The following RBFOX1 variants were observed in gnomAD, a reference collection of about 807,000 sequenced individuals.
RBFOX1 encodes RNA binding protein fox-1 homolog 1.
RBFOX1 carries 8 observed loss-of-function variants against 57.7 expected under a neutral mutation model. The observed-to-expected ratio is 0.14, with a 90% CI of 0.08 to 0.25. RBFOX1 has a LOEUF of 0.25. RBFOX1 is among the 10% of genes least tolerant of loss of function. The pLI is 1.00. For missense variants in RBFOX1, 611 were observed against 548.5 expected, an observed-to-expected ratio of 1.11 and a Z score of -1.14; for synonymous variants, 326 against 222.4, an observed-to-expected ratio of 1.47 and a Z score of -4.15.
intron 1 of RBFOX1, among the ~76,000 whole-genome samples, chr16:5,377,592 G>C (rs2066019581): frequency 6.6e-6 from 1 of 150,456 alleles, no homozygotes; most frequent in Non-Finnish European, 1.5e-5. Context: ...TGGGGGGAGA[G>C]AGAGAGAAAG....
chr16:7,095,108 C>G (rs551143253), intron 4 of RBFOX1, among the ~76,000 whole-genome samples: 2 of 152,050 alleles, frequency 1.3e-5, no homozygotes, highest in East Asian at 3.9e-4. Context: ...TTCTTTCTTT[C>G]TTTCTTTTTT....
intron 2 of RBFOX1, among the ~76,000 whole-genome samples, chr16:6,584,333 T>C (rs952639591): frequency 4.6e-5 from 6 of 131,258 alleles, no homozygotes; most frequent in Admixed American, 4.1e-4. Flanking sequence ...AAGTTGTGTT[T>C]TATTTTCATT....
intron 3 of RBFOX1, among the ~76,000 whole-genome samples, chr16:6,781,040 T>A (rs2080931726): frequency 6.6e-6 from 1 of 152,140 alleles, no homozygotes; most frequent in Admixed American, 6.6e-5. Context: ...ACCTGTGCAT[T>A]TGGTGGCTTA....
intron 1 of RBFOX1, among the ~76,000 whole-genome samples, chr16:5,388,316 C>A (rs567418559): frequency 6.6e-6 from 1 of 152,108 alleles, no homozygotes; most frequent in African/African-American, 2.4e-5. Flanking sequence ...TAGTGGGAGG[C>A]TTCGGACAAA....
At chr16:6,196,541 G>A (rs190316409) in intron 1 of RBFOX1, among the ~76,000 whole-genome samples, 1 of 152,246 alleles carries the variant, frequency 6.6e-6, no homozygotes, top group East Asian at 1.9e-4. Context: ...ATGCGTGGCT[G>A]CGACTTAAAA....
At chr16:7,108,518 G>A (rs989171490) in intron 4 of RBFOX1, among the ~76,000 whole-genome samples, 3 of 152,084 alleles carry the variant, frequency 2.0e-5, no homozygotes, top group Admixed American at 1.3e-4. Flanking sequence ...ATGTTTCTAG[G>A]TACTGAGTAT....
intron 6 of RBFOX1, among the ~76,000 whole-genome samples, chr16:7,583,970 C>T (rs2347417): frequency 0.1 from 15,747 of 152,180 alleles, 1,720 homozygotes; most frequent in African/African-American, 0.28. Flanking sequence ...TTTTTAGTCA[C>T]GAGACGGGCT....
chr16:6,543,275 A>C (rs906034383), intron 2 of RBFOX1, among the ~76,000 whole-genome samples: 1 of 151,926 alleles, frequency 6.6e-6, no homozygotes, highest in African/African-American at 2.4e-5. Flanking sequence ...GAGCTCAGCA[A>C]CTCTGGGAAT....
At chr16:5,323,619 A>C (rs147116118) in intron 1 of RBFOX1, among the ~76,000 whole-genome samples, 7 of 152,382 alleles carry the variant, frequency 4.6e-5, no homozygotes, top group African/African-American at 1.7e-4. Flanking sequence ...CAATAGCTTC[A>C]TTAGCATGGA....
At chr16:6,562,826 TGA>T (rs1366564991) in intron 2 of RBFOX1, among the ~76,000 whole-genome samples, 9 of 149,684 alleles carry the variant, frequency 6.0e-5, no homozygotes, top group East Asian at 2.0e-4. Flanking sequence ...CCTTGATTCT[TGA>T]TTCTTTTCTT....
At chr16:5,827,555 G>A (rs1254100480) in intron 3 of RBFOX1, among the ~76,000 whole-genome samples, 1 of 152,188 alleles carries the variant, frequency 6.6e-6, no homozygotes, top group African/African-American at 2.4e-5. Flanking sequence ...GGGCCAGGTA[G>A]TAACTGTTTT....
intron 4 of RBFOX1, among the ~76,000 whole-genome samples, chr16:7,379,562 A>C (rs1388360961): frequency 6.6e-6 from 1 of 152,218 alleles, no homozygotes; most frequent in East Asian, 1.9e-4. Flanking sequence ...ATGCATACAT[A>C]TGTGGTAAAT....
At chr16:5,336,026 G>A (rs542361736) in intron 1 of RBFOX1, among the ~76,000 whole-genome samples, 2 of 152,310 alleles carry the variant, frequency 1.3e-5, no homozygotes, top group Admixed American at 1.3e-4. Flanking sequence ...TGGAGGCTCA[G>A]AGAGGTTAAG....
chr16:7,464,690 T>G (rs1210557513), intron 4 of RBFOX1, among the ~76,000 whole-genome samples: 1 of 2,736 alleles, frequency 3.7e-4, no homozygotes, highest in Non-Finnish European at 1.6e-3. Flanking sequence ...TTGTCTGTCT[T>G]TTTTTTTTTT....
intron 1 of RBFOX1, among the ~76,000 whole-genome samples, chr16:6,124,862 T>A (rs1013862927): frequency 6.6e-6 from 1 of 152,128 alleles, no homozygotes; most frequent in Admixed American, 6.6e-5. Flanking sequence ...AATTATTTTT[T>A]AAAAATAGCC....
intron 3 of RBFOX1, among the ~76,000 whole-genome samples, chr16:6,860,428 A>T (rs1465700360): frequency 6.6e-6 from 1 of 152,198 alleles, no homozygotes; most frequent in African/African-American, 2.4e-5. Flanking sequence ...CACGTTGGCT[A>T]AGACGCGGGG....
chr16:7,603,733 GA>G (rs2141103284), intron 9 of RBFOX1, among the ~76,000 whole-genome samples: 1 of 152,192 alleles, frequency 6.6e-6, no homozygotes, highest in South Asian at 2.1e-4. Context: ...CGGGGAAAGG[GA>G]AAAAGGGAAG....
intron 3 of RBFOX1, among the ~76,000 whole-genome samples, chr16:5,809,059 A>G (rs371710805): frequency 6.6e-6 from 1 of 152,198 alleles, no homozygotes; most frequent in South Asian, 2.1e-4. Context: ...CCTGAGAAAA[A>G]CAAGCAATGG....
intron 4 of RBFOX1, among the ~76,000 whole-genome samples, chr16:7,473,024 TC>T (rs1174877854): frequency 2.6e-5 from 4 of 152,100 alleles, no homozygotes; most frequent in Admixed American, 6.6e-5. Flanking sequence ...GTCCTTATAT[TC>T]AAAAAGCAGA....
Sources: allele counts gnomAD v4.1 joint callset (sites outside exome capture counted in the v4.1 genomes callset), GRCh38; gene constraint gnomAD v4.1.1; transcripts MANE v1.5; gene names NCBI Gene and HGNC (gene_info 2026-07-23, HGNC 2026-07-21).